Variants in ADGRB3 observed in about 807,000 individuals in gnomAD.
The protein encoded by ADGRB3 is adhesion G protein-coupled receptor B3, also known as brain-specific angiogenesis inhibitor 3.
In ADGRB3, 37 loss-of-function variants were observed where a neutral mutation model predicts 193.4. That is an observed-to-expected ratio of 0.19 (90% CI 0.15 to 0.25). The LOEUF is 0.25. ADGRB3 is among the 10% of genes least tolerant of loss of function. The pLI is 1.00. For missense variants in ADGRB3, 1,637 were observed against 1,852.9 expected, an observed-to-expected ratio of 0.88 and a Z score of 2.14; for synonymous variants, 690 against 644.2, an observed-to-expected ratio of 1.07 and a Z score of -1.08.
chr6:69,288,671 G>A lies in ADGRB3; in HGVS notation c.2815-36201G>A, dbSNP rs539557864. Among the ~76,000 whole-genome samples the A allele has an allele frequency of 2.0e-5, 3 of 152,320 alleles. No homozygotes were observed. The South Asian group carries it at 6.2e-4, about 32-fold the overall frequency. On this transcript the variant is annotated intron_variant, in intron 20 of 31. Transcript: ENST00000370598. ...CTTGCAGATGTGTCTCCCCAAGGGA[G>A]TTATTAGCTTCAACACTGGTGTACT...
At chr6:69,225,113 A>AT (rs960726947) in intron 17 of ADGRB3, among the ~76,000 whole-genome samples, 1 of 152,142 alleles carries the variant, frequency 6.6e-6, no homozygotes, top group Admixed American at 6.5e-5. Flanking sequence ...CAAAAATATA[A>AT]TTTTTTGTGC....
intron 3 of ADGRB3, among the ~76,000 whole-genome samples, chr6:68,797,853 G>A (rs1767240275): frequency 6.6e-6 from 1 of 152,098 alleles, no homozygotes; most frequent in East Asian, 1.9e-4. Context: ...TAGATCTTAA[G>A]TAGGGAAACT....
intron 8 of ADGRB3, among the ~76,000 whole-genome samples, chr6:68,969,181 T>C (rs1768482729): frequency 6.6e-6 from 1 of 152,102 alleles, no homozygotes; most frequent in African/African-American, 2.4e-5. Context: ...TTCACAGATA[T>C]AACCAAGTAT....
In ADGRB3 at chr6:69,049,273, T is replaced by A; in HGVS notation, c.2260T>A (p.Leu754Ile). ...SIFTPVSSKE[L>I]DESSVFVLGA... ...ACTTCAAAATTTATTCTTTCTAGAA[T>A]TAGATGAATCATCTGTATTTGTTCT... Residue 754 changes from leucine (L) to isoleucine (I), a missense_variant and splice_region_variant, in exon 15 of 32, where the codon TTA becomes ATA. Around this residue, in one of 7 missense-constraint regions of ADGRB3, gnomAD observed 641 missense variants for 673.9 expected, o/e 0.95. Coordinates refer to ENST00000370598, the MANE Select transcript of ADGRB3 (RefSeq NM_001704.3). 5.6e-6 allele frequency: 9 copies of A among 1,597,928 alleles called. No homozygotes were observed. The highest frequency in any genetic ancestry group is 7.7e-6 in the Non-Finnish European group (9 of 1,170,012).
intron 17 of ADGRB3, among the ~76,000 whole-genome samples, chr6:69,221,553 TC>T (rs1765894302): frequency 6.7e-6 from 1 of 148,252 alleles, no homozygotes; most frequent in Admixed American, 6.8e-5. Context: ...CAGCTACTCT[TC>T]CCTCATTTAC....
chr6:68,967,551 A>G (rs1768418926), intron 8 of ADGRB3, among the ~76,000 whole-genome samples: 1 of 151,988 alleles, frequency 6.6e-6, no homozygotes, highest in Non-Finnish European at 1.5e-5. Flanking sequence ...TAACCTCCCT[A>G]TCTTTCTGCT....
chr6:68,827,756 G>A (rs898168905), intron 3 of ADGRB3, among the ~76,000 whole-genome samples: 1 of 152,218 alleles, frequency 6.6e-6, no homozygotes, highest in African/African-American at 2.4e-5. Context: ...CACAAATGTA[G>A]TGCATCATCT....
chr6:69,332,852 AT>A, intron 23 of ADGRB3, 70 bp from the exon 24 acceptor site: 1 of 1,578,652 alleles, frequency 6.3e-7, no homozygotes, highest in South Asian at 1.2e-5. Context: ...TAAAAATAGG[AT>A]TTTCAGGAGA....
At chr6:69,005,133 C>T (rs1769708510) in intron 11 of ADGRB3, among the ~76,000 whole-genome samples, 2 of 152,040 alleles carry the variant, frequency 1.3e-5, no homozygotes, top group South Asian at 4.1e-4. Context: ...TTCTCCCAGG[C>T]TGTCTCTGGG....
At chr6:69,079,440 C>G (rs966880396) in intron 17 of ADGRB3, among the ~76,000 whole-genome samples, 7 of 152,004 alleles carry the variant, frequency 4.6e-5, no homozygotes, top group Admixed American at 2.6e-4. Context: ...ATAATAAGAA[C>G]TATTTATGGC....
rs765489730 is a variant in ADGRB3, at chr6:68,643,438, C to CTTTTTTTTTTTTTTTTTTTTTTT, written c.757+4028_757+4029insTTTTTTTTTTTTTTTTTTTTTTT. On this transcript the variant is annotated intron_variant, in intron 3 of 31. Coordinates refer to ENST00000370598, the MANE Select transcript of ADGRB3 (RefSeq NM_001704.3). ...CTTTCTCTTTACACTCTTCATCTTC[C>CTTTTTTTTTTTTTTTTTTTTTTT]TTTTTTTTTTTTTTTTTTTTTTCGT... Among the ~76,000 whole-genome samples the CTTTTTTTTTTTTTTTTTTTTTTT allele has an allele frequency of 6.2e-5, 4 of 65,030 alleles. 1 individual carries two copies. Among genetic ancestry groups the CTTTTTTTTTTTTTTTTTTTTTTT allele is most frequent in the Non-Finnish European group, 1.0e-4 (4 of 38,422 alleles). The allele number at this position is 65,030 out of a possible 152,430, so 42.7% of individuals were successfully genotyped here. A position where few individuals can be genotyped will look rare whatever the true frequency, so the allele number is the denominator to read the frequency against.
chr6:68,983,126 G>GA (rs1261918107), intron 10 of ADGRB3, among the ~76,000 whole-genome samples: 2 of 151,978 alleles, frequency 1.3e-5, no homozygotes, highest in African/African-American at 4.8e-5. Flanking sequence ...TTATAAAAAA[G>GA]AAAAATAATC....
intron 20 of ADGRB3, among the ~76,000 whole-genome samples, chr6:69,255,556 T>A (rs1233750982): frequency 6.6e-6 from 1 of 152,212 alleles, no homozygotes; most frequent in East Asian, 1.9e-4. Context: ...GTTGTTTGTT[T>A]TTTTCTTGTA....
intron 17 of ADGRB3, among the ~76,000 whole-genome samples, chr6:69,134,732 T>C (rs139612163): frequency 2.6e-5 from 4 of 152,112 alleles, no homozygotes; most frequent in African/African-American, 9.6e-5. Context: ...TGTATGTATA[T>C]ATACATGTAT....
intron 20 of ADGRB3, among the ~76,000 whole-genome samples, chr6:69,255,292 T>C (rs13196717): frequency 7.9e-5 from 12 of 152,012 alleles, no homozygotes; most frequent in African/African-American, 2.7e-4. Context: ...CACTGACTTC[T>C]ACAATGGTTG....
At chr6:68,808,125 A>G (rs893899565) in intron 3 of ADGRB3, among the ~76,000 whole-genome samples, 4 of 152,190 alleles carry the variant, frequency 2.6e-5, no homozygotes, top group Non-Finnish European at 5.9e-5. Flanking sequence ...AATTATTTTT[A>G]TTTTACAATG....
At chr6:68,997,015 A>G (rs73467713) in intron 11 of ADGRB3, among the ~76,000 whole-genome samples, 2,467 of 152,290 alleles carry the variant, frequency 0.016, 57 homozygotes, top group African/African-American at 0.052. Context: ...ATTAAAGGGA[A>G]TATATTCTTT....
chr6:69,111,694 C>A (rs569147533), intron 17 of ADGRB3, among the ~76,000 whole-genome samples: 36 of 152,260 alleles, frequency 2.4e-4, no homozygotes, highest in African/African-American at 8.2e-4. Flanking sequence ...AAGATAATTT[C>A]TTGGATATGA....
chr6:68,652,062 C>G (rs1561983477), intron 3 of ADGRB3, among the ~76,000 whole-genome samples: 1 of 152,032 alleles, frequency 6.6e-6, no homozygotes, highest in African/African-American at 2.4e-5. Context: ...TCTGCTCTTC[C>G]CCACACAACC....
Sources: gnomAD v4.1 joint callset for allele counts (sites outside exome capture counted in the v4.1 genomes callset) on GRCh38, gnomAD v4.1.1 for gene constraint, gnomAD v4.1.1 regional missense constraint, MANE v1.5 for transcripts, NCBI Gene and HGNC (gene_info 2026-07-23, HGNC 2026-07-21) for gene names.